The following DIP2C variants were observed in gnomAD, a reference collection of about 807,000 sequenced individuals.
DIP2C encodes disco-interacting protein 2 homolog C.
DIP2C carries 33 observed loss-of-function variants against 192.4 expected under a neutral mutation model. The ratio of observed to expected loss-of-function variants is 0.17; its 90% CI spans 0.13 to 0.23. The LOEUF (loss-of-function observed/expected upper bound fraction) is 0.23. DIP2C is among the 10% of genes least tolerant of loss of function. The probability of loss-of-function intolerance (pLI) is 1.00; values close to 1 mark genes in which losing one functional copy is unlikely to be tolerated. For synonymous variants in DIP2C, 979 were observed against 864.1 expected, an observed-to-expected ratio of 1.13 and a Z score of -2.33; for missense variants, 1,537 against 2,110.1, an observed-to-expected ratio of 0.73 and a Z score of 5.32.
In DIP2C at chr10:601,890, G is replaced by T. The variant is rs369889513; in HGVS notation, c.85+87604C>A. On this transcript the variant is annotated intron_variant, in intron 1 of 36. Transcript: ENST00000280886. ...CCTCAGGCTCGGGTAAGGAGAGAAC[G>T]GGAGGAACCAAGATTTGGCTAACAC... Among the ~76,000 whole-genome samples the T allele has an allele frequency of 5.1e-4, 78 of 152,284 alleles. 1 individual carries two copies. Among genetic ancestry groups the T allele is most frequent in the African/African-American group, 1.8e-3 (76 of 41,564 alleles).
chr10:341,122 T>A, intron 29 of DIP2C, 77 bp downstream of exon 29: 1 of 1,600,124 alleles, frequency 6.2e-7, no homozygotes, highest in Non-Finnish European at 8.5e-7. Context: ...AGTGCTTAGG[T>A]TGCCTGGCTG....
chr10:671,267 C>T (rs1830618781), intron 1 of DIP2C, among the ~76,000 whole-genome samples: 1 of 152,268 alleles, frequency 6.6e-6, no homozygotes, highest in Non-Finnish European at 1.5e-5. Context: ...ACGGAGAAAA[C>T]AGGCCACAGG....
chr10:560,619 T>C (rs182143094), intron 1 of DIP2C, among the ~76,000 whole-genome samples: 43 of 152,306 alleles, frequency 2.8e-4, no homozygotes, highest in African/African-American at 8.9e-4. Flanking sequence ...TGAAAACACA[T>C]TGACTTTCAA....
At chr10:373,925 G>A (rs1034464335) in intron 17 of DIP2C, among the ~76,000 whole-genome samples, 5 of 152,104 alleles carry the variant, frequency 3.3e-5, no homozygotes, top group African/African-American at 7.2e-5. Flanking sequence ...CAGGGCCTTC[G>A]CAGCCTCCAT....
chr10:670,164 ACATG>A (rs1564328157), intron 1 of DIP2C, among the ~76,000 whole-genome samples: 1 of 152,156 alleles, frequency 6.6e-6, no homozygotes, highest in East Asian at 1.9e-4. Flanking sequence ...GCACGTGCGC[ACATG>A]CATGAACATG....
intron 8 of DIP2C, 58 bp downstream of exon 8, chr10:413,855 T>G (rs544641512): frequency 2.5e-6 from 4 of 1,577,980 alleles, no homozygotes; most frequent in African/African-American, 2.7e-5. Context: ...GTTTCCTGCG[T>G]TCGGGAGTGG....
At chr10:555,235 C>T (rs941135873) in intron 1 of DIP2C, among the ~76,000 whole-genome samples, 3 of 151,812 alleles carry the variant, frequency 2.0e-5, no homozygotes, top group Admixed American at 6.6e-5. Context: ...TCCTCACTGC[C>T]CCATGAGGAG....
intron 32 of DIP2C, among the ~76,000 whole-genome samples, chr10:301,248 G>A (rs1956031067): frequency 6.6e-6 from 1 of 152,186 alleles, no homozygotes; most frequent in Non-Finnish European, 1.5e-5. Context: ...GGGTGAAAAG[G>A]GTCAAAGGAG....
intron 14 of DIP2C, among the ~76,000 whole-genome samples, chr10:387,511 T>C (rs1439496275): frequency 8.7e-6 from 1 of 114,350 alleles, no homozygotes; most frequent in Admixed American, 9.8e-5. Context: ...GGGCGACTCC[T>C]GTGTGGACAG....
At chr10:614,657 G>C (rs1853323710) in intron 1 of DIP2C, among the ~76,000 whole-genome samples, 1 of 152,252 alleles carries the variant, frequency 6.6e-6, no homozygotes, top group African/African-American at 2.4e-5. Context: ...GGGCCTGAAG[G>C]GCTGAGTCTT....
At chr10:607,580 A>G (rs1852586596) in intron 1 of DIP2C, among the ~76,000 whole-genome samples, 1 of 152,194 alleles carries the variant, frequency 6.6e-6, no homozygotes, top group Admixed American at 6.5e-5. Context: ...TAAGCTGAAA[A>G]TATCCTAAAT....
At chr10:410,908 A>G (rs1965141275) in intron 8 of DIP2C, among the ~76,000 whole-genome samples, 1 of 152,256 alleles carries the variant, frequency 6.6e-6, no homozygotes, top group Admixed American at 6.5e-5. Context: ...TAACTGATTC[A>G]TAAAGGAGAT....
At chr10:607,006 CCATCAA>C (rs1453837486) in intron 1 of DIP2C, among the ~76,000 whole-genome samples, 4 of 152,178 alleles carry the variant, frequency 2.6e-5, no homozygotes, top group Non-Finnish European at 2.9e-5. Flanking sequence ...TGCTGCGTGG[CCATCAA>C]CATCACTTAG....
intron 1 of DIP2C, among the ~76,000 whole-genome samples, chr10:624,427 G>A (rs1854069655): frequency 6.6e-6 from 1 of 152,240 alleles, no homozygotes; most frequent in Admixed American, 6.5e-5. Context: ...GCCTGAGGAA[G>A]GCAGCGCCCG....
intron 31 of DIP2C, among the ~76,000 whole-genome samples, chr10:311,360 G>C (rs1403038317): frequency 6.6e-6 from 1 of 152,230 alleles, no homozygotes; most frequent in African/African-American, 2.4e-5. Context: ...GACAGCGTCG[G>C]CTACGCGTGA....
At chr10:351,617 A>G (rs1958814593) in intron 24 of DIP2C, among the ~76,000 whole-genome samples, 1 of 152,178 alleles carries the variant, frequency 6.6e-6, no homozygotes, top group Admixed American at 6.5e-5. Context: ...AAATTAGAAA[A>G]CAGAAACTGA....
intron 1 of DIP2C, among the ~76,000 whole-genome samples, chr10:604,945 ACT>A (rs1490978863): frequency 1.3e-5 from 2 of 152,086 alleles, no homozygotes; most frequent in Non-Finnish European, 2.9e-5. Flanking sequence ...CTCTGATAAA[ACT>A]CAGCCCAAGG....
At chr10:582,642 C>A (rs966697425) in intron 1 of DIP2C, among the ~76,000 whole-genome samples, 1 of 152,188 alleles carries the variant, frequency 6.6e-6, no homozygotes, top group Non-Finnish European at 1.5e-5. Context: ...GGAGGAAACA[C>A]CGCAGAAGAC....
intron 3 of DIP2C, among the ~76,000 whole-genome samples, chr10:450,934 C>A (rs944068176): frequency 6.6e-6 from 1 of 152,142 alleles, no homozygotes; most frequent in African/African-American, 2.4e-5. Flanking sequence ...TCTGTATGTG[C>A]GTACATGTAT....
Sources: gnomAD v4.1 joint callset for allele counts (sites outside exome capture counted in the v4.1 genomes callset) on GRCh38, gnomAD v4.1.1 for gene constraint, MANE v1.5 for transcripts, NCBI Gene and HGNC (gene_info 2026-07-23, HGNC 2026-07-21) for gene names.